Variants in DOCK3 observed in about 807,000 individuals in gnomAD.
DOCK3 encodes the protein dedicator of cytokinesis protein 3.
In DOCK3, 60 loss-of-function variants were observed where a neutral mutation model predicts 265.6. The observed-to-expected ratio is 0.23, with a 90% CI of 0.18 to 0.28. The LOEUF is 0.28. Among genes scored for constraint, DOCK3 ranks in the 10% least tolerant of loss-of-function variants. The probability of loss-of-function intolerance (pLI) is 1.00; values close to 1 mark genes in which losing one functional copy is unlikely to be tolerated. For missense variants in DOCK3, 1,981 were observed against 2,594.3 expected, an observed-to-expected ratio of 0.76 and a Z score of 5.14; for synonymous variants, 881 against 938.0, an observed-to-expected ratio of 0.94 and a Z score of 1.11.
At chr3:51,114,934 G>A (rs1210740845) in intron 9 of DOCK3, among the ~76,000 whole-genome samples, 3 of 151,938 alleles carry the variant, frequency 2.0e-5, no homozygotes, top group Non-Finnish European at 2.9e-5. Context: ...TTAGTTTGCT[G>A]AGAATTATGG....
intron 23 of DOCK3, among the ~76,000 whole-genome samples, chr3:51,264,399 G>A (rs1368849856): frequency 3.3e-5 from 5 of 152,170 alleles, no homozygotes; most frequent in Non-Finnish European, 5.9e-5. Context: ...CACAGCTAAA[G>A]CAGTGTTTAG....
intron 38 of DOCK3, among the ~76,000 whole-genome samples, chr3:51,345,543 G>A (rs1452714670): frequency 2.0e-5 from 3 of 152,168 alleles, no homozygotes; most frequent in Admixed American, 6.5e-5. Flanking sequence ...AATCTCTTGA[G>A]CCCAAGCATT....
At chr3:50,751,023 G>T (rs1055064332) in intron 1 of DOCK3, among the ~76,000 whole-genome samples, 1 of 152,032 alleles carries the variant, frequency 6.6e-6, no homozygotes, top group Non-Finnish European at 1.5e-5. Context: ...AAAATTTTAA[G>T]ATTAATTAGC....
intron 5 of DOCK3, among the ~76,000 whole-genome samples, chr3:50,961,907 CCTT>C (rs760598039): frequency 1.3e-5 from 2 of 152,004 alleles, no homozygotes; most frequent in Non-Finnish European, 2.9e-5. Context: ...ATTATCTGAG[CCTT>C]CTTATGGGGA....
intron 7 of DOCK3, among the ~76,000 whole-genome samples, chr3:51,076,181 A>G (rs920297407): frequency 1.3e-5 from 2 of 152,232 alleles, no homozygotes; most frequent in African/African-American, 4.8e-5. Flanking sequence ...TAATATGCAA[A>G]TAACATATCA....
intron 4 of DOCK3, among the ~76,000 whole-genome samples, chr3:50,933,327 G>C (rs1178077509): frequency 6.6e-6 from 1 of 152,088 alleles, no homozygotes; most frequent in Non-Finnish European, 1.5e-5. Flanking sequence ...GTTCCTTTTT[G>C]TTCACTGATA....
intron 9 of DOCK3, among the ~76,000 whole-genome samples, chr3:51,124,638 ATATG>A (rs1382868457): frequency 6.6e-6 from 1 of 152,182 alleles, no homozygotes; most frequent in Non-Finnish European, 1.5e-5. Flanking sequence ...ACATTTATAA[ATATG>A]TATGATTTAG....
chr3:50,739,690 G>A (rs987830630), intron 1 of DOCK3, among the ~76,000 whole-genome samples: 1 of 152,036 alleles, frequency 6.6e-6, no homozygotes, highest in Non-Finnish European at 1.5e-5. Context: ...GAAGTATAAA[G>A]AGAATGGGCT....
intron 1 of DOCK3, among the ~76,000 whole-genome samples, chr3:50,714,722 C>A (rs988638063): frequency 2.0e-5 from 3 of 152,160 alleles, no homozygotes; most frequent in South Asian, 4.1e-4. Context: ...CAGGGGTGAG[C>A]CACTGCACCC....
rs555596369 is a variant in DOCK3 at position 51,027,169 on chromosome 3, T to C, written c.316-37279T>C. Among the ~76,000 whole-genome samples the C allele has an allele frequency of 2.6e-5, 4 of 152,236 alleles. No homozygotes were observed. In the East Asian group the frequency reaches 7.7e-4, roughly 29 times the overall value. On this transcript the variant is annotated intron_variant, in intron 5 of 52. Coordinates refer to ENST00000266037, the MANE Select transcript of DOCK3 (RefSeq NM_004947.5). ...GTGTTGTGTTTCTATTTGTTTGAAA[T>C]AATTTTTTTTTGTTTCTGCCTAATT...
chr3:51,204,909 C>T lies in DOCK3; in HGVS notation c.1038-3865C>T, dbSNP rs959879516. 5.3e-5 allele frequency among the ~76,000 whole-genome samples: 8 copies of T among 151,680 alleles called. No individual in the cohort carries two copies. In the East Asian group the frequency reaches 7.7e-4, roughly 15 times the overall value. On this transcript the variant is annotated intron_variant, in intron 12 of 52. Coordinates refer to ENST00000266037, the MANE Select transcript of DOCK3 (RefSeq NM_004947.5). Reference sequence around the variant, plus strand: ...GAAATCATCATTCTCAGTAAACTATCGCAAGAACAAAAAACCAAACACCGC... The same window carrying T: ...GAAATCATCATTCTCAGTAAACTATTGCAAGAACAAAAAACCAAACACCGC...
At chr3:51,086,163 G>T (rs1280394332) in intron 7 of DOCK3, among the ~76,000 whole-genome samples, 1 of 152,196 alleles carries the variant, frequency 6.6e-6, no homozygotes, top group Non-Finnish European at 1.5e-5. Flanking sequence ...TTCCTTATGG[G>T]AAACAAAGGG....
chr3:50,904,135 G>A (rs1456927995), intron 4 of DOCK3, among the ~76,000 whole-genome samples: 2 of 152,166 alleles, frequency 1.3e-5, no homozygotes, highest in African/African-American at 4.8e-5. Flanking sequence ...GTGTATATGT[G>A]CCACATTTTC....
intron 32 of DOCK3, among the ~76,000 whole-genome samples, chr3:51,325,825 C>T (rs756392988): frequency 1.3e-5 from 2 of 152,124 alleles, no homozygotes; most frequent in African/African-American, 2.4e-5. Context: ...GAAAACCAAA[C>T]ACTGCATGTT....
chr3:50,944,567 A>G (rs1044639397), intron 5 of DOCK3, among the ~76,000 whole-genome samples: 5 of 152,238 alleles, frequency 3.3e-5, no homozygotes, highest in Admixed American at 3.3e-4. Flanking sequence ...AAGCTAGAAA[A>G]GGAATTTATT....
chr3:51,143,017 G>C (rs1362888475), intron 9 of DOCK3, among the ~76,000 whole-genome samples: 1 of 152,050 alleles, frequency 6.6e-6, no homozygotes, highest in Non-Finnish European at 1.5e-5. Context: ...CTCCCGAGCA[G>C]CTAGGATTAC....
chr3:51,058,373 TA>T (rs2081277606), intron 5 of DOCK3, among the ~76,000 whole-genome samples: 1 of 152,194 alleles, frequency 6.6e-6, no homozygotes, highest in African/African-American at 2.4e-5. Context: ...GGAGATATTG[TA>T]GTTATCTTTG....
At chr3:51,089,576 A>C (rs1372362472) in intron 8 of DOCK3, among the ~76,000 whole-genome samples, 1 of 152,138 alleles carries the variant, frequency 6.6e-6, no homozygotes, top group Non-Finnish European at 1.5e-5. Flanking sequence ...AATCAAGCGC[A>C]TTGGGGTCAT....
chr3:51,220,637 A>G (rs2090027516), intron 14 of DOCK3, among the ~76,000 whole-genome samples: 2 of 122,724 alleles, frequency 1.6e-5, no homozygotes, highest in Admixed American at 1.9e-4. Context: ...AGCCTTGGCA[A>G]CAGAGCAAGA....
Sources: gnomAD v4.1 joint callset for allele counts (sites outside exome capture counted in the v4.1 genomes callset) on GRCh38, gnomAD v4.1.1 for gene constraint, MANE v1.5 for transcripts, NCBI Gene and HGNC (gene_info 2026-07-23, HGNC 2026-07-21) for gene names.